SORCS1: variants seen among roughly 807,000 people sequenced by gnomAD.
The protein encoded by SORCS1 is VPS10 domain-containing receptor SorCS1.
SORCS1 carries 60 observed loss-of-function variants against 146.1 expected under a neutral mutation model. The observed-to-expected ratio is 0.41, with a 90% CI of 0.33 to 0.51. The LOEUF is 0.51. SORCS1 is among the 20% of genes least tolerant of loss of function. The probability of loss-of-function intolerance (pLI) is 0.21; values close to 1 mark genes in which losing one functional copy is unlikely to be tolerated. For missense variants in SORCS1, 1,352 were observed against 1,487.6 expected (o/e 0.91, Z 1.50); for synonymous variants, 637 against 584.0 (o/e 1.09, Z -1.31).
intron 5 of SORCS1, among the ~76,000 whole-genome samples, chr10:106,734,035 A>G (rs1302570604): frequency 2.6e-5 from 4 of 152,178 alleles, no homozygotes; most frequent in South Asian, 2.1e-4. Flanking sequence ...GCACCAGTCA[A>G]TATTTACTAA....
At chr10:106,915,685 A>C (rs1170273639) in intron 2 of SORCS1, among the ~76,000 whole-genome samples, 2 of 152,186 alleles carry the variant, frequency 1.3e-5, no homozygotes, top group Admixed American at 6.6e-5. Flanking sequence ...GTAGACTCAC[A>C]CTGAAAAAAA....
chr10:106,666,003 G>T (rs957125882), intron 17 of SORCS1, among the ~76,000 whole-genome samples: 3 of 152,066 alleles, frequency 2.0e-5, no homozygotes, highest in Admixed American at 2.0e-4. Flanking sequence ...ACCACACCTG[G>T]CTAATTTTTT....
chr10:106,722,021 T>A (rs1855814352), intron 6 of SORCS1, among the ~76,000 whole-genome samples: 1 of 152,034 alleles, frequency 6.6e-6, no homozygotes, highest in South Asian at 2.1e-4. Context: ...ACAACAATTT[T>A]TCAACAAGAA....
chr10:106,723,729 T>C (rs750267374), intron 6 of SORCS1, among the ~76,000 whole-genome samples: 3 of 152,180 alleles, frequency 2.0e-5, no homozygotes, highest in Non-Finnish European at 4.4e-5. Context: ...TTCTAAAGGA[T>C]CTAAGATAAA....
At chr10:106,894,237 A>ATGTGTG (rs142672801) in intron 2 of SORCS1, among the ~76,000 whole-genome samples, 1 of 140,802 alleles carries the variant, frequency 7.1e-6, no homozygotes, top group Non-Finnish European at 1.5e-5. Context: ...GCATGTGTGC[A>ATGTGTG]TGTGTGTGTG....
chr10:107,132,131 C>T (rs1300190063), intron 1 of SORCS1, among the ~76,000 whole-genome samples: 1 of 152,132 alleles, frequency 6.6e-6, no homozygotes, highest in Non-Finnish European at 1.5e-5. Context: ...TTCTCTCTCT[C>T]TCACCCTCTC....
At chr10:106,735,379 T>G (rs1418893532) in intron 5 of SORCS1, among the ~76,000 whole-genome samples, 1 of 152,144 alleles carries the variant, frequency 6.6e-6, no homozygotes, top group Non-Finnish European at 1.5e-5. Flanking sequence ...CTTAAGAGCT[T>G]TAGAACTACA....
chr10:107,012,988 T>C (rs74154823), intron 1 of SORCS1, among the ~76,000 whole-genome samples: 1 of 152,200 alleles, frequency 6.6e-6, no homozygotes, highest in African/African-American at 2.4e-5. Context: ...CCACTTCATG[T>C]CTTGGCCTCC....
intron 18 of SORCS1, among the ~76,000 whole-genome samples, chr10:106,648,763 C>A (rs1326111168): frequency 1.3e-5 from 2 of 152,124 alleles, no homozygotes; most frequent in Non-Finnish European, 2.9e-5. Context: ...GGCTCCACCC[C>A]TGGGCCCCTG....
intron 5 of SORCS1, among the ~76,000 whole-genome samples, chr10:106,749,577 G>A (rs530495548): frequency 2.5e-4 from 38 of 152,242 alleles, no homozygotes; most frequent in African/African-American, 8.7e-4. Context: ...AAATTGAGAA[G>A]CTACAAATAA....
intron 1 of SORCS1, among the ~76,000 whole-genome samples, chr10:107,147,011 T>C (rs1411427847): frequency 6.6e-6 from 1 of 152,142 alleles, no homozygotes. Flanking sequence ...GTTATTATTA[T>C]ATTAACTATC....
intron 4 of SORCS1, among the ~76,000 whole-genome samples, chr10:106,766,070 C>T (rs1025286665): frequency 2.6e-5 from 4 of 152,130 alleles, no homozygotes; most frequent in South Asian, 2.1e-4. Flanking sequence ...GTGGCTTCCC[C>T]GGTCAAGGGG....
chr10:106,899,521 T>G (rs1462105817), intron 2 of SORCS1, among the ~76,000 whole-genome samples: 1 of 151,798 alleles, frequency 6.6e-6, no homozygotes, highest in African/African-American at 2.4e-5. Flanking sequence ...CATCCAGGGC[T>G]GCGCCATCTC....
chr10:107,081,309 T>A (rs1374348849), intron 1 of SORCS1, among the ~76,000 whole-genome samples: 2 of 152,208 alleles, frequency 1.3e-5, no homozygotes, highest in African/African-American at 4.8e-5. Context: ...AATTATCTAA[T>A]AGGAATCTGC....
intron 5 of SORCS1, among the ~76,000 whole-genome samples, chr10:106,731,311 A>G (rs1856583294): frequency 6.6e-6 from 1 of 150,940 alleles, no homozygotes; most frequent in Admixed American, 6.6e-5. Flanking sequence ...AAAAAAAAAA[A>G]AAAAAAAAAA....
At chr10:106,692,474 G>C (rs1853371371) in intron 9 of SORCS1, among the ~76,000 whole-genome samples, 1 of 152,128 alleles carries the variant, frequency 6.6e-6, no homozygotes, top group Middle Eastern at 3.2e-3. Flanking sequence ...AGGAGAAATG[G>C]GGAATGACTA....
At chr10:106,820,337 TG>T (rs1947956748) in intron 3 of SORCS1, among the ~76,000 whole-genome samples, 1 of 152,232 alleles carries the variant, frequency 6.6e-6, no homozygotes, top group Non-Finnish European at 1.5e-5. Context: ...CTATAGTTTT[TG>T]TTCTGCAAAA....
chr10:106,805,564 CTT>C (rs2136696004), intron 3 of SORCS1, among the ~76,000 whole-genome samples: 1 of 152,278 alleles, frequency 6.6e-6, no homozygotes, highest in East Asian at 1.9e-4. Context: ...ATGCTAAGTG[CTT>C]TATTCCCAAT....
At chr10:106,676,919 C>T (rs1459162174) in intron 13 of SORCS1, among the ~76,000 whole-genome samples, 1 of 152,184 alleles carries the variant, frequency 6.6e-6, no homozygotes, top group Non-Finnish European at 1.5e-5. Context: ...ACTTACCCAT[C>T]ATGATTGCCT....
Sources: gnomAD v4.1 joint callset for allele counts (sites outside exome capture counted in the v4.1 genomes callset) on GRCh38, gnomAD v4.1.1 for gene constraint, MANE v1.5 for transcripts, NCBI Gene and HGNC (gene_info 2026-07-23, HGNC 2026-07-21) for gene names.